The following ERN1 variants were observed in gnomAD, a reference collection of about 807,000 sequenced individuals.
The protein encoded by ERN1 is serine/threonine-protein kinase/endoribonuclease IRE1.
ERN1 carries 39 observed loss-of-function variants against 113.1 expected under a neutral mutation model. The observed-to-expected ratio is 0.34, with a 90% confidence interval of 0.27 to 0.45. The LOEUF (loss-of-function observed/expected upper bound fraction) is 0.45, where lower values mean the gene tolerates loss of function less well. ERN1 is among the 20% of genes least tolerant of loss of function. ERN1 has a pLI of 1.00. For synonymous variants in ERN1, 507 were observed against 515.9 expected (o/e 0.98, Z 0.23); for missense variants, 976 against 1,274.8 (o/e 0.77, Z 3.57).
Position 64,047,973 on chromosome 17 carries a change from G to A in ERN1, c.2414C>T (p.Ala805Val), listed in dbSNP as rs2143320591. ...AATCATCTTCTCTATCAATTCACGT[G>A]CAATGACGTCTTCTATAAAGGAGGA... ...LHPEKHEDVIARELIEKMIAM... is the reference protein window; with the variant it reads ...LHPEKHEDVIVRELIEKMIAM... The change falls in exon 19 of 22, where the codon GCA (alanine) becomes GTA (valine). Residue 805 changes from alanine (A) to valine (V), a missense_variant. Ala to Val is a moderately conservative substitution (Grantham distance 64). Transcript: ENST00000433197. 6.2e-7 allele frequency: 1 copy of A among 1,612,206 alleles called. No individual in the cohort carries two copies. The highest frequency in any genetic ancestry group is 1.6e-4 in the Middle Eastern group (1 of 6,062).
At chr17:64,116,993 T>A (rs1914824136) in intron 1 of ERN1, among the ~76,000 whole-genome samples, 3 of 150,158 alleles carry the variant, frequency 2.0e-5, no homozygotes, top group Admixed American at 1.3e-4. Context: ...GTGCCTGTAT[T>A]CCCAGCTACT....
At chr17:64,087,424 G>A (rs1239673113) in intron 2 of ERN1, among the ~76,000 whole-genome samples, 1 of 152,156 alleles carries the variant, frequency 6.6e-6, no homozygotes, top group East Asian at 1.9e-4. Flanking sequence ...CCCAGGACCT[G>A]CTCCTCAGTT....
Position 64,079,659 on chromosome 17 carries a change from C to T in ERN1, c.282+3G>A. 6.2e-7 allele frequency: 1 copy of T among 1,612,890 alleles called. No homozygotes were observed. On this transcript the variant is annotated splice_donor_region_variant and intron_variant, in intron 4 of 21. Coordinates refer to ENST00000433197, the MANE Select transcript of ERN1 (RefSeq NM_001433.5). ...AGTACAAAAAGCAGCTAAATATACT[C>T]ACCGTCAGGCCTTCATTATTCTTGC...
At chr17:64,110,231 A>T (rs554347157) in intron 1 of ERN1, among the ~76,000 whole-genome samples, 67 of 152,358 alleles carry the variant, frequency 4.4e-4, no homozygotes, top group African/African-American at 1.6e-3. Context: ...TTACACTGAC[A>T]TATAAAAATT....
intron 6 of ERN1, 38 bp from the exon 7 acceptor site, chr17:64,068,329 G>A (rs1598057087): frequency 7.1e-7 from 1 of 1,401,242 alleles, no homozygotes; most frequent in South Asian, 1.2e-5. Flanking sequence ...TACCACGGAG[G>A]GGCCATAGTA....
chr17:64,065,568 A>G (rs2143372736), intron 8 of ERN1, among the ~76,000 whole-genome samples: 1 of 152,306 alleles, frequency 6.6e-6, no homozygotes, highest in Middle Eastern at 3.4e-3. Flanking sequence ...TGATGCCTGC[A>G]GAAAGGACTA....
Position 64,063,920 on chromosome 17 carries a change from C to A in ERN1, c.1087+66G>T. On this transcript the variant is annotated intron_variant, in intron 10 of 21. Coordinates refer to ENST00000433197, the MANE Select transcript of ERN1 (RefSeq NM_001433.5). This position sits in a 1 kb window ranked among gnomAD's most constrained non-coding sequence, Gnocchi z 5.1. Reference sequence around the variant, plus strand: ...GCTCAGTACGGTGTAACTACCAGGGCCGGCGGTCGCCCACCAGGAGGCAGC... The same window carrying A: ...GCTCAGTACGGTGTAACTACCAGGGACGGCGGTCGCCCACCAGGAGGCAGC... 6.6e-7 allele frequency: 1 copy of A among 1,505,812 alleles called. No individual in the cohort carries two copies. Among genetic ancestry groups the A allele is most frequent in the Non-Finnish European group, 9.1e-7 (1 of 1,097,238 alleles). 93.3% of individuals were successfully genotyped at this position (1,505,812 alleles called of 1,614,324 possible). A position where few individuals can be genotyped will look rare whatever the true frequency, so the allele number is the denominator to read the frequency against.
chr17:64,048,239 G>C (rs1912574033), intron 18 of ERN1, among the ~76,000 whole-genome samples: 1 of 152,166 alleles, frequency 6.6e-6, no homozygotes, highest in African/African-American at 2.4e-5. Context: ...TCCCTACGCT[G>C]GGCCATGAGC....
intron 7 of ERN1, among the ~76,000 whole-genome samples, chr17:64,067,463 G>C (rs1350680486): frequency 6.6e-6 from 1 of 151,732 alleles, no homozygotes; most frequent in South Asian, 2.1e-4. Flanking sequence ...CCAGGTAGGT[G>C]GGGGAGTGGC....
rs1436033978 is a variant in ERN1, at chr17:64,129,988, C to G, written c.42G>C (p.Leu14=). 2 of 1,448,632 alleles carry G rather than the reference C, an allele frequency of 1.4e-6. No homozygotes were observed. Among genetic ancestry groups the G allele is most frequent in the Non-Finnish European group, 1.8e-6 (2 of 1,106,612 alleles). The allele number at this position is 1,448,632 out of a possible 1,614,324, so 89.7% of individuals were successfully genotyped here. Residue 14 remains leucine (L), a synonymous_variant, in exon 1 of 22, where the codon CTG becomes CTC. Transcript: ENST00000433197. ...RRLLLLLTLL[L]PGLGIFGSTS... is the part of the protein sequence containing the mutation. ...CCCGGTCACTCACCCCGAGGCCGGG[C>G]AGCAGCAGCGTCAGCAGCAGCAGCA...
chr17:64,061,499 A>T (rs974358575), intron 10 of ERN1, among the ~76,000 whole-genome samples: 1 of 152,244 alleles, frequency 6.6e-6, no homozygotes, highest in Non-Finnish European at 1.5e-5. Context: ...ACAAACAGGA[A>T]CTAGTCTAAG....
chr17:64,073,568 T>G (rs959893441), intron 5 of ERN1, among the ~76,000 whole-genome samples: 4 of 152,052 alleles, frequency 2.6e-5, no homozygotes, highest in Non-Finnish European at 5.9e-5. Flanking sequence ...CTCAGCTCAC[T>G]GCAACCTCCG....
intron 1 of ERN1, among the ~76,000 whole-genome samples, chr17:64,110,000 AG>A (rs1247754130): frequency 1.3e-5 from 2 of 152,222 alleles, no homozygotes; most frequent in Non-Finnish European, 2.9e-5. Flanking sequence ...GAGTCTCTAT[AG>A]AAACCCAATA....
chr17:64,079,057 A>G (rs886707287), intron 4 of ERN1, among the ~76,000 whole-genome samples: 2 of 152,174 alleles, frequency 1.3e-5, no homozygotes, highest in African/African-American at 2.4e-5. Flanking sequence ...CCTTTGTCAC[A>G]TATCAGATGA....
rs1598054119 is a variant in ERN1, at chr17:64,064,164, T to G, written c.922-13A>C. 6.3e-7 allele frequency: 1 copy of G among 1,580,224 alleles called. No individual in the cohort carries two copies. Among genetic ancestry groups the G allele is most frequent in the African/African-American group, 1.3e-5 (1 of 74,184 alleles). On this transcript the variant is annotated splice_polypyrimidine_tract_variant and intron_variant, in intron 9 of 21. Transcript: ENST00000433197. Reference sequence around the variant, plus strand: ...TGCTGCCGCGGGGCTGTGGAGAGGGTGCAGTGAGGGTCAGGAGCCCTGGAG... The same window carrying G: ...TGCTGCCGCGGGGCTGTGGAGAGGGGGCAGTGAGGGTCAGGAGCCCTGGAG...
chr17:64,064,727 C>T (rs1015812700), intron 9 of ERN1, among the ~76,000 whole-genome samples: 7 of 152,030 alleles, frequency 4.6e-5, no homozygotes, highest in Non-Finnish European at 8.8e-5. Flanking sequence ...GGAGGCTCGG[C>T]GAGATTGCAA....
chr17:64,098,087 T>A, intron 2 of ERN1, 34 bp downstream of exon 2: 1 of 1,611,578 alleles, frequency 6.2e-7, no homozygotes. Flanking sequence ...GTTAAGCAAA[T>A]GTCCATGTCG....
intron 8 of ERN1, among the ~76,000 whole-genome samples, chr17:64,066,300 CTTTA>C (rs1405695453): frequency 1.3e-5 from 2 of 152,086 alleles, no homozygotes; most frequent in Non-Finnish European, 2.9e-5. Flanking sequence ...TTTCCTATAC[CTTTA>C]TTTGTGTGTG....
Position 64,130,074 on chromosome 17 carries a change from C to G in ERN1, c.-45G>C. ...CTCCGGGGGCGGTACGGACAGAGGA[C>G]GGGGCGGGGGCGCCGCGACGACAGC... On this transcript the variant is annotated 5_prime_UTR_variant, in exon 1 of 22. Transcript: ENST00000433197. This position sits in a 1 kb window ranked among gnomAD's most constrained non-coding sequence, Gnocchi z 4.0. 2.2e-6 allele frequency: 3 copies of G among 1,347,426 alleles called. No homozygotes were observed. Among genetic ancestry groups the G allele is most frequent in the Non-Finnish European group, 2.8e-6 (3 of 1,054,332 alleles). The allele number at this position is 1,347,426 out of a possible 1,614,324, so 83.5% of individuals were successfully genotyped here. A position where few individuals can be genotyped will look rare whatever the true frequency, so the allele number is the denominator to read the frequency against.
Sources: gnomAD v4.1 joint callset for allele counts (sites outside exome capture counted in the v4.1 genomes callset) on GRCh38, gnomAD v4.1.1 for gene constraint, Gnocchi (gnomAD v3.1) non-coding constraint, MANE v1.5 for transcripts, NCBI Gene and HGNC (gene_info 2026-07-23, HGNC 2026-07-21) for gene names.